The following CCDC180 variants were observed in gnomAD, a reference collection of about 807,000 sequenced individuals.
CCDC180 encodes the protein coiled-coil domain-containing protein 180.
In CCDC180, 154 loss-of-function variants were observed where a neutral mutation model predicts 209.2. The observed-to-expected ratio is 0.74, with a 90% confidence interval of 0.65 to 0.84. The LOEUF (loss-of-function observed/expected upper bound fraction) is 0.84, where lower values mean the gene tolerates loss of function less well. Ranked by LOEUF, CCDC180 falls within the 40% of genes least tolerant of loss-of-function variation. The pLI is 0.00. For missense variants in CCDC180, 1,874 were observed against 1,997.3 expected, an observed-to-expected ratio of 0.94 and a Z score of 1.18; for synonymous variants, 778 against 749.1, an observed-to-expected ratio of 1.04 and a Z score of -0.63.
intron 23 of CCDC180, 28 bp downstream of exon 23, chr9:97,354,741 A>T: frequency 6.2e-7 from 1 of 1,613,992 alleles, no homozygotes; most frequent in South Asian, 1.1e-5. Flanking sequence ...GCCCCAGGCC[A>T]ACCGGTTCCA....
At chr9:97,332,141 G>A (rs1000798901) in intron 18 of CCDC180, among the ~76,000 whole-genome samples, 4 of 152,102 alleles carry the variant, frequency 2.6e-5, no homozygotes, top group Non-Finnish European at 5.9e-5. Flanking sequence ...TTTATTAAAT[G>A]GGTAGTCATT....
In CCDC180 at chr9:97,359,982, A is replaced by G. The variant is rs1243324602; in HGVS notation, c.3364A>G (p.Thr1122Ala). ...CTTTCTTCCTCCCTTTTCTCACCAG[A>G]CAGTGACCACAGAAGAACTCCTCAG... is the stretch of plus-strand genomic sequence containing the variant. ...TCQESRGEKT[T>A]VTTEELLSFV... Residue 1122 changes from threonine to alanine, a missense_variant and splice_region_variant, in exon 26 of 37, where the codon ACA (threonine) becomes GCA (alanine). Thr to Ala is a moderately conservative substitution (Grantham distance 58). Coordinates refer to ENST00000529487, the MANE Select transcript of CCDC180 (RefSeq NM_020893.6). 1.9e-6 allele frequency: 3 copies of G among 1,613,758 alleles called. No homozygotes were observed.
intron 34 of CCDC180, chr9:97,373,974 G>C (rs564398830): frequency 6.5e-6 from 1 of 152,962 alleles, no homozygotes; most frequent in East Asian, 1.9e-4. Flanking sequence ...CCAGGCCCTA[G>C]GAGGCCTCTG....
chr9:97,352,965 A>G (rs58756926), intron 22 of CCDC180, among the ~76,000 whole-genome samples: 3,625 of 133,210 alleles, frequency 0.027, 146 homozygotes, highest in African/African-American at 0.093. Flanking sequence ...ATATATACAC[A>G]CACACATATA....
At chr9:97,334,440 A>C (rs1439864692) in intron 18 of CCDC180, among the ~76,000 whole-genome samples, 1 of 152,210 alleles carries the variant, frequency 6.6e-6, no homozygotes, top group South Asian at 2.1e-4. Flanking sequence ...TCAAAGCTAA[A>C]CAACTTTTCT....
chr9:97,307,838 C>T, intron 1 of CCDC180, 32 bp downstream of exon 1: 1 of 1,613,370 alleles, frequency 6.2e-7, no homozygotes, highest in South Asian at 1.1e-5. Flanking sequence ...AAAGTTAAAA[C>T]CCTAAGTCGA....
At chr9:97,341,085 C>G (rs528485979) in intron 18 of CCDC180, among the ~76,000 whole-genome samples, 2 of 152,260 alleles carry the variant, frequency 1.3e-5, no homozygotes, top group South Asian at 4.2e-4. Flanking sequence ...CTCTCTGCCT[C>G]GGCTGCCAGG....
intron 18 of CCDC180, among the ~76,000 whole-genome samples, chr9:97,332,055 A>G (rs1187057286): frequency 1.3e-5 from 2 of 152,156 alleles, no homozygotes; most frequent in Non-Finnish European, 2.9e-5. Flanking sequence ...TATTTAATTC[A>G]TCTTGAGTTG....
At chr9:97,317,994 C>T (rs376975355) in intron 9 of CCDC180, among the ~76,000 whole-genome samples, 21 of 152,334 alleles carry the variant, frequency 1.4e-4, no homozygotes, top group African/African-American at 5.1e-4. Flanking sequence ...CTGGGCATTT[C>T]CCATGAGCCA....
At chr9:97,342,132 G>A (rs978266998) in intron 18 of CCDC180, among the ~76,000 whole-genome samples, 3 of 152,224 alleles carry the variant, frequency 2.0e-5, no homozygotes, top group African/African-American at 4.8e-5. Flanking sequence ...TGCGCTTCCC[G>A]GGTGAGGCGA....
At position 97,354,526 on chromosome 9, in the gene CCDC180, T is replaced by G. The variant is rs750438180; in HGVS notation, c.3003-43T>G. On this transcript the variant is annotated intron_variant, in intron 22 of 36. Coordinates refer to ENST00000529487, the MANE Select transcript of CCDC180 (RefSeq NM_020893.6). ...AGTATTTGGGATAGATGAGAACTCT[T>G]AGGTCTGATCTGTGGCTTTTATTTG... 3.7e-6 allele frequency: 6 copies of G among 1,603,682 alleles called. 1 individual carries two copies. The South Asian group carries it at 5.5e-5, about 15-fold the overall frequency.
intron 6 of CCDC180, 47 bp from the exon 7 acceptor site, chr9:97,314,571 C>T: frequency 6.2e-7 from 1 of 1,613,510 alleles, no homozygotes; most frequent in South Asian, 1.1e-5. Flanking sequence ...CCTGCTTCTT[C>T]CCTGCCTCCC....
intron 18 of CCDC180, among the ~76,000 whole-genome samples, chr9:97,339,461 T>G (rs1469196735): frequency 6.6e-6 from 1 of 152,226 alleles, no homozygotes; most frequent in African/African-American, 2.4e-5. Flanking sequence ...AAAATTCTTT[T>G]CTTTAAGAAT....
At chr9:97,315,419 C>T (rs962879143) in intron 8 of CCDC180, among the ~76,000 whole-genome samples, 1 of 152,168 alleles carries the variant, frequency 6.6e-6, no homozygotes, top group Non-Finnish European at 1.5e-5. Flanking sequence ...GTGGTCTGTG[C>T]CCATTGCTGA....
chr9:97,360,341 C>A (rs936564108), intron 26 of CCDC180, among the ~76,000 whole-genome samples: 1 of 152,096 alleles, frequency 6.6e-6, no homozygotes, highest in Non-Finnish European at 1.5e-5. Context: ...CCTGGCACTA[C>A]CTCACCTGCT....
At chr9:97,323,735 G>C (rs753239538) in intron 12 of CCDC180, 46 bp from the exon 13 acceptor site, 13 of 1,528,474 alleles carry the variant, frequency 8.5e-6, no homozygotes, top group Non-Finnish European at 1.1e-5. Flanking sequence ...ATGCCTGTGG[G>C]GACCTCAGTC....
intron 11 of CCDC180, 110 bp downstream of exon 11, chr9:97,320,315 G>A: frequency 9.7e-7 from 1 of 1,031,740 alleles, no homozygotes; most frequent in South Asian, 1.3e-5. Flanking sequence ...GAGGAGGGAT[G>A]GGGGTGTGGC....
intron 18 of CCDC180, among the ~76,000 whole-genome samples, chr9:97,342,477 A>G (rs1454210391): frequency 6.6e-6 from 1 of 152,088 alleles, no homozygotes; most frequent in Non-Finnish European, 1.5e-5. Flanking sequence ...ACAGGGTTTC[A>G]CCATGTTGCC....
intron 33 of CCDC180, 51 bp downstream of exon 33, chr9:97,370,829 G>C (rs377580641): frequency 6.3e-7 from 1 of 1,591,438 alleles, no homozygotes; most frequent in Admixed American, 1.7e-5. Context: ...AATATAGCCC[G>C]ATGGACAGCC....
Sources: gnomAD v4.1 joint callset for allele counts (sites outside exome capture counted in the v4.1 genomes callset) on GRCh38, gnomAD v4.1.1 for gene constraint, MANE v1.5 for transcripts, NCBI Gene and HGNC (gene_info 2026-07-23, HGNC 2026-07-21) for gene names.